PPP2R2C: variants seen among roughly 807,000 people sequenced by gnomAD.
The protein encoded by PPP2R2C is protein phosphatase 2, regulatory subunit B, gamma.
A neutral mutation model predicts 45.3 loss-of-function variants in PPP2R2C; 10 were observed. The observed-to-expected ratio is 0.22, with a 90% CI of 0.14 to 0.37. The LOEUF is 0.37. Among genes scored for constraint, PPP2R2C ranks in the 10% least tolerant of loss-of-function variants. PPP2R2C has a pLI of 1.00. For missense variants in PPP2R2C, 308 were observed against 619.7 expected (o/e 0.50, Z 5.34); for synonymous variants, 257 against 245.4 (o/e 1.05, Z -0.44).
intron 1 of PPP2R2C, among the ~76,000 whole-genome samples, chr4:6,406,598 C>CAA (rs11317671): frequency 6.7e-4 from 101 of 149,874 alleles, no homozygotes; most frequent in East Asian, 4.7e-3. Context: ...AAGAAAAAGC[C>CAA]AAAAAAAAAA....
chr4:6,366,003 G>A (rs1043052244), intron 5 of PPP2R2C, among the ~76,000 whole-genome samples: 4 of 152,202 alleles, frequency 2.6e-5, no homozygotes, highest in South Asian at 2.1e-4. Flanking sequence ...ATTAAAGGAC[G>A]CGAGAGGTTG....
chr4:6,423,765 T>C (rs1260665859), intron 1 of PPP2R2C, among the ~76,000 whole-genome samples: 1 of 151,964 alleles, frequency 6.6e-6, no homozygotes, highest in Admixed American at 6.6e-5. Flanking sequence ...CTTGGTGTGT[T>C]TGAGGAACTG....
rs548893849 is a variant in PPP2R2C at position 6,402,429 on chromosome 4, TG to T, written c.71-21336del. Among the ~76,000 whole-genome samples, 96 of 152,348 alleles carry T rather than the reference TG, an allele frequency of 6.3e-4. 1 individual carries two copies. Among genetic ancestry groups the T allele is most frequent in the African/African-American group, 2.2e-3 (93 of 41,588 alleles). ...GTTATGTCTCCTCAGTGTTCTCACCTGCAAAATGGGCATGGTGCTACCTGCC... is the reference window on the plus strand; with the variant it reads ...GTTATGTCTCCTCAGTGTTCTCACCTCAAAATGGGCATGGTGCTACCTGCC... On this transcript the variant is annotated intron_variant, in intron 1 of 8. Transcript: ENST00000382599.
At position 6,344,207 on chromosome 4, in the gene PPP2R2C, C is replaced by T. The variant is rs540043894; in HGVS notation, c.790+3639G>A. ...AGCCTTCTGGAACCTCAGTGCAATC[C>T]GGAGAGGAGTGGAATCTGCCGAGGC... On this transcript the variant is annotated intron_variant, in intron 6 of 8. Coordinates refer to ENST00000382599, the MANE Select transcript of PPP2R2C (RefSeq NM_020416.4). Among the ~76,000 whole-genome samples the T allele has an allele frequency of 9.8e-5, 15 of 152,352 alleles. 1 individual carries two copies. The South Asian group carries it at 2.5e-3, about 25-fold the overall frequency.
intron 1 of PPP2R2C, among the ~76,000 whole-genome samples, chr4:6,556,688 T>C (rs1725410960): frequency 6.6e-6 from 1 of 152,104 alleles, no homozygotes; most frequent in African/African-American, 2.4e-5. Flanking sequence ...CTGCCCAGCT[T>C]GCCAACCCAT....
intron 1 of PPP2R2C, among the ~76,000 whole-genome samples, chr4:6,454,759 G>C (rs567924707): frequency 9.2e-5 from 14 of 152,236 alleles, no homozygotes; most frequent in Admixed American, 9.1e-4. Flanking sequence ...TTCGTCCTGG[G>C]ACTCAACCTC....
intron 1 of PPP2R2C, among the ~76,000 whole-genome samples, chr4:6,426,611 C>T (rs1273570799): frequency 7.3e-6 from 1 of 137,860 alleles, no homozygotes; most frequent in African/African-American, 2.5e-5. Context: ...TACAATATGC[C>T]CACCTTATTC....
At chr4:6,341,141 A>T (rs1733410487) in intron 6 of PPP2R2C, among the ~76,000 whole-genome samples, 1 of 152,228 alleles carries the variant, frequency 6.6e-6, no homozygotes, top group South Asian at 2.1e-4. Context: ...CAGGAGTTTG[A>T]GACCAGCCTG....
intron 6 of PPP2R2C, among the ~76,000 whole-genome samples, chr4:6,337,065 C>T (rs1732997684): frequency 1.0e-5 from 1 of 98,732 alleles, no homozygotes; most frequent in African/African-American, 3.8e-5. Flanking sequence ...GTTTTGTGCC[C>T]CGATAATAAT....
At chr4:6,415,877 T>C (rs1399901836) in intron 1 of PPP2R2C, among the ~76,000 whole-genome samples, 1 of 152,148 alleles carries the variant, frequency 6.6e-6, no homozygotes, top group Non-Finnish European at 1.5e-5. Flanking sequence ...TTAAGATAGC[T>C]CTGATGGTGA....
chr4:6,337,110 GTGTATATATATATATATA>G (rs1391401189), intron 6 of PPP2R2C, among the ~76,000 whole-genome samples: 912 of 41,500 alleles, frequency 0.022, 86 homozygotes, highest in Admixed American at 0.03. Flanking sequence ...GTATGTGTGT[GTGTATATATATATATATA>G]TATATATATA....
At chr4:6,361,406 T>C (rs1046707966) in intron 5 of PPP2R2C, among the ~76,000 whole-genome samples, 3 of 152,222 alleles carry the variant, frequency 2.0e-5, no homozygotes, top group Non-Finnish European at 4.4e-5. Flanking sequence ...AACCCAGAGC[T>C]TGAAAGTCCA....
intron 1 of PPP2R2C, among the ~76,000 whole-genome samples, chr4:6,543,598 C>T (rs1341465959): frequency 1.3e-5 from 2 of 152,142 alleles, no homozygotes; most frequent in Admixed American, 1.3e-4. Context: ...CTGATGTCAG[C>T]TGCTAGCAGG....
intron 2 of PPP2R2C, among the ~76,000 whole-genome samples, chr4:6,482,861 C>A (rs1282536577): frequency 6.6e-6 from 1 of 152,044 alleles, no homozygotes; most frequent in South Asian, 2.1e-4. Flanking sequence ...TTGATAGATG[C>A]CCTTTCTCGG....
At chr4:6,551,751 C>T (rs1194027819) in intron 1 of PPP2R2C, among the ~76,000 whole-genome samples, 1 of 152,226 alleles carries the variant, frequency 6.6e-6, no homozygotes, top group Non-Finnish European at 1.5e-5. Flanking sequence ...CACCAAGGCA[C>T]CATAAATTAC....
At chr4:6,543,991 T>C (rs1292795892) in intron 1 of PPP2R2C, among the ~76,000 whole-genome samples, 1 of 152,152 alleles carries the variant, frequency 6.6e-6, no homozygotes, top group Non-Finnish European at 1.5e-5. Flanking sequence ...CTGCCTTCCA[T>C]GGAAGACGCT....
intron 2 of PPP2R2C, among the ~76,000 whole-genome samples, chr4:6,534,512 CAT>C (rs1724529787): frequency 6.6e-6 from 1 of 151,866 alleles, no homozygotes; most frequent in Non-Finnish European, 1.5e-5. Flanking sequence ...ATACAGCACA[CAT>C]ACATCAATAA....
intron 1 of PPP2R2C, among the ~76,000 whole-genome samples, chr4:6,538,546 A>G (rs1311670041): frequency 6.7e-6 from 1 of 150,234 alleles, no homozygotes; most frequent in Non-Finnish European, 1.5e-5. Context: ...TAGGCAAAGG[A>G]AAATGAGATG....
At chr4:6,357,964 T>C (rs1264470721) in intron 5 of PPP2R2C, among the ~76,000 whole-genome samples, 1 of 152,202 alleles carries the variant, frequency 6.6e-6, no homozygotes, top group Non-Finnish European at 1.5e-5. Context: ...AATGACTTTC[T>C]TCACAGAACT....
Sources: allele counts gnomAD v4.1 joint callset (sites outside exome capture counted in the v4.1 genomes callset), GRCh38; gene constraint gnomAD v4.1.1; transcripts MANE v1.5; gene names NCBI Gene and HGNC (gene_info 2026-07-23, HGNC 2026-07-21).